The following SEC31A variants were observed in gnomAD, a reference collection of about 807,000 sequenced individuals.
The protein encoded by SEC31A is SEC31 homolog A, COPII component, also known as protein transport protein Sec31A.
In SEC31A, 70 loss-of-function variants were observed where a neutral mutation model predicts 151.0. The ratio of observed to expected loss-of-function variants is 0.46; its 90% confidence interval spans 0.38 to 0.57. The LOEUF is 0.57. SEC31A is among the 20% of genes least tolerant of loss of function. SEC31A has a pLI of 0.00. For missense variants in SEC31A, 1,330 were observed against 1,471.2 expected (o/e 0.90, Z 1.57); for synonymous variants, 475 against 505.9 (o/e 0.94, Z 0.82).
chr4:82,856,267 C>T (rs1732622489), intron 16 of SEC31A, among the ~76,000 whole-genome samples: 1 of 151,906 alleles, frequency 6.6e-6, no homozygotes, highest in African/African-American at 2.4e-5. Context: ...TCTCCTGCTT[C>T]AGCCTCCCTA....
At chr4:82,853,902 G>A (rs922601153) in intron 17 of SEC31A, among the ~76,000 whole-genome samples, 187 bp from the exon 18 acceptor site, 8 of 152,070 alleles carry the variant, frequency 5.3e-5, no homozygotes, top group African/African-American at 7.3e-5. Flanking sequence ...ATGAAAAATT[G>A]TATACAATAA....
chr4:82,881,503 T>C (rs1739313041), intron 2 of SEC31A, among the ~76,000 whole-genome samples: 1 of 152,206 alleles, frequency 6.6e-6, no homozygotes, highest in African/African-American at 2.4e-5. Context: ...TATCTGCTTA[T>C]AGACATATAT....
At chr4:82,824,741 T>C (rs533741598) in intron 24 of SEC31A, 67 bp from the exon 25 acceptor site, 2 of 1,547,202 alleles carry the variant, frequency 1.3e-6, no homozygotes, top group East Asian at 2.3e-5. Flanking sequence ...CAATCTTGAA[T>C]CTATGTGATA....
intron 1 of SEC31A, among the ~76,000 whole-genome samples, chr4:82,886,360 C>T (rs1015785705): frequency 2.0e-5 from 3 of 152,114 alleles, no homozygotes; most frequent in African/African-American, 7.2e-5. Context: ...TCCCTGAGCC[C>T]CAGTTTCTAC....
At chr4:82,889,546 CAAAA>C (rs11463983) in intron 1 of SEC31A, among the ~76,000 whole-genome samples, 1 of 129,980 alleles carries the variant, frequency 7.7e-6, no homozygotes, top group African/African-American at 2.9e-5. Flanking sequence ...GACCCTGTCT[CAAAA>C]AAAAAAAAAA....
At chr4:82,870,450 A>G in intron 7 of SEC31A, 26 bp from the exon 8 acceptor site, 1 of 1,569,456 alleles carries the variant, frequency 6.4e-7, no homozygotes, top group South Asian at 1.1e-5. Flanking sequence ...AGGAACAAGG[A>G]AATTTTTAAT....
At chr4:82,874,546 A>G (rs891288758) in intron 6 of SEC31A, 65 bp downstream of exon 6, 17 of 1,431,382 alleles carry the variant, frequency 1.2e-5, no homozygotes, top group South Asian at 3.0e-5. Flanking sequence ...CAACTCTGAC[A>G]AACAATATAG....
chr4:82,874,618 C>G lies in SEC31A; in HGVS notation c.632G>C (p.Ser211Thr), dbSNP rs1210861619. The G allele has an allele frequency of 6.2e-7, 1 of 1,608,720 alleles. No individual in the cohort carries two copies. The highest frequency in any genetic ancestry group is 8.5e-7 in the Non-Finnish European group (1 of 1,179,034). ...AGTCAATCACATACTTACTCTGTTACTATGGTCACTGACTTTGATGATTGG... is the reference window on the plus strand; with the variant it reads ...AGTCAATCACATACTTACTCTGTTAGTATGGTCACTGACTTTGATGATTGG... ...NEPIIKVSDH[S>T]NRMHCSGLAW... Residue 211 changes from serine to threonine, a missense_variant, in exon 6 of 27, where the codon AGT becomes ACT. By Grantham distance (58) the Ser-to-Thr change is moderately conservative. Coordinates refer to ENST00000395310, the MANE Select transcript of SEC31A (RefSeq NM_001077207.4).
chr4:82,894,495 G>GATGT (rs1192690215), upstream of SEC31A: 1 of 152,232 alleles, frequency 6.6e-6, no homozygotes, highest in Non-Finnish European at 1.5e-5. Flanking sequence ...AACCAACTGA[G>GATGT]ATGTCTATGG....
At chr4:82,896,843 T>C (rs551763519) in intron 3 of SEC31A, among the ~76,000 whole-genome samples, 1 of 152,320 alleles carries the variant, frequency 6.6e-6, no homozygotes, top group South Asian at 2.1e-4. Context: ...TACAGCATCA[T>C]TGAAGGAGTT....
At chr4:82,834,304 G>T (rs1280025242) in intron 22 of SEC31A, among the ~76,000 whole-genome samples, 1 of 152,138 alleles carries the variant, frequency 6.6e-6, no homozygotes, top group Non-Finnish European at 1.5e-5. Flanking sequence ...CTTTAGTCAG[G>T]TCAAAACAAC....
At chr4:82,819,323 A>T in intron 26 of SEC31A, 70 bp from the exon 27 acceptor site, 1 of 1,110,488 alleles carries the variant, frequency 9.0e-7, no homozygotes, top group African/African-American at 1.6e-5. Context: ...CTCCATAAAC[A>T]TTAAACCCAG....
chr4:82,839,633 C>A (rs935499845), intron 22 of SEC31A, among the ~76,000 whole-genome samples: 1 of 152,004 alleles, frequency 6.6e-6, no homozygotes, highest in Non-Finnish European at 1.5e-5. Flanking sequence ...TTAGGAAATC[C>A]AAAAAGAAAA....
intron 22 of SEC31A, among the ~76,000 whole-genome samples, chr4:82,836,799 A>G (rs1727424354): frequency 1.3e-5 from 2 of 152,258 alleles, no homozygotes; most frequent in South Asian, 4.1e-4. Context: ...GTACAAAAAT[A>G]TAGTTAGATA....
At chr4:82,826,509 C>T (rs960161169) in intron 24 of SEC31A, among the ~76,000 whole-genome samples, 3 of 152,146 alleles carry the variant, frequency 2.0e-5, no homozygotes, top group Non-Finnish European at 2.9e-5. Flanking sequence ...GCCGCCACCA[C>T]GCCCAGCTAA....
chr4:82,881,734 G>A, intron 2 of SEC31A, 124 bp downstream of exon 2: 2 of 712,594 alleles, frequency 2.8e-6, no homozygotes, highest in Non-Finnish European at 2.5e-6. Context: ...TTGGCTGATA[G>A]AATGTCAGTA....
chr4:82,875,667 G>A, intron 5 of SEC31A, 60 bp downstream of exon 5: 1 of 914,154 alleles, frequency 1.1e-6, no homozygotes, highest in South Asian at 1.5e-5. Context: ...AAATAAGTAG[G>A]TTTAGGAGAA....
chr4:82,865,536 G>GTATATATATATATATA (rs55681370), intron 10 of SEC31A, among the ~76,000 whole-genome samples: 1 of 137,156 alleles, frequency 7.3e-6, no homozygotes, highest in African/African-American at 2.8e-5. Context: ...AAAAAATGTG[G>GTATATATATATATATA]TATATATATA....
intron 3 of SEC31A, among the ~76,000 whole-genome samples, chr4:82,898,320 G>A (rs1720150257): frequency 6.6e-6 from 1 of 151,984 alleles, no homozygotes; most frequent in South Asian, 2.1e-4. Context: ...GTATAGATAA[G>A]TTATAAACAA....
Sources: allele counts gnomAD v4.1 joint callset (sites outside exome capture counted in the v4.1 genomes callset), GRCh38; gene constraint gnomAD v4.1.1; transcripts MANE v1.5; gene names NCBI Gene and HGNC (gene_info 2026-07-23, HGNC 2026-07-21).